PTPRT: variants seen among roughly 807,000 people sequenced by gnomAD.
PTPRT encodes the protein receptor-type tyrosine-protein phosphatase T.
In PTPRT, 56 loss-of-function variants were observed where a neutral mutation model predicts 176.8. That is an observed-to-expected ratio of 0.32 (90% CI 0.26 to 0.40). The LOEUF (loss-of-function observed/expected upper bound fraction) is 0.40. Ranked by LOEUF, PTPRT falls within the 10% of genes least tolerant of loss-of-function variation. The pLI is 1.00. For synonymous variants in PTPRT, 783 were observed against 739.0 expected, an observed-to-expected ratio of 1.06 and a Z score of -0.96; for missense variants, 1,540 against 1,908.2, an observed-to-expected ratio of 0.81 and a Z score of 3.60.
intron 9 of PTPRT, among the ~76,000 whole-genome samples, chr20:42,440,156 C>T (rs998598207): frequency 3.9e-5 from 6 of 152,154 alleles, no homozygotes; most frequent in Non-Finnish European, 5.9e-5. Flanking sequence ...TCACCCACCT[C>T]GGCCTCCCAC....
chr20:42,381,052 G>A (rs1167559810), intron 9 of PTPRT, among the ~76,000 whole-genome samples: 6 of 152,114 alleles, frequency 3.9e-5, no homozygotes, highest in East Asian at 3.9e-4. Context: ...CAGATCTCAC[G>A]AGAACTCACT....
chr20:42,065,899 C>T, the PTPRT span, among the ~76,000 whole-genome samples: 1 of 139,816 alleles, frequency 7.2e-6, no homozygotes. Context: ...CATATTTCAT[C>T]AGGAATTGAT....
chr20:42,465,598 A>G lies in PTPRT; in HGVS notation c.1450+6668T>C, dbSNP rs538472681. The stretch of plus-strand genomic sequence containing the variant: ...TGCTACCTTTTATATAAGAAGTAGG[A>G]AGAAGAAAAGTATTACATATTTTTT... On this transcript the variant is annotated intron_variant, in intron 8 of 30. Transcript: ENST00000373187. Among the ~76,000 whole-genome samples the G allele has an allele frequency of 1.8e-4, 28 of 152,342 alleles. No homozygotes were observed. In the South Asian group the frequency reaches 2.5e-3, roughly 14 times the overall value.
chr20:42,037,190 C>T, the PTPRT span, among the ~76,000 whole-genome samples: 16 of 152,314 alleles, frequency 1.1e-4, no homozygotes, highest in Middle Eastern at 3.4e-3. Flanking sequence ...AATTCCTCCC[C>T]GTACCCTAGC....
intron 2 of PTPRT, among the ~76,000 whole-genome samples, chr20:42,883,359 T>A (rs953343047): frequency 3.3e-5 from 5 of 151,754 alleles, no homozygotes; most frequent in Non-Finnish European, 7.4e-5. Context: ...GGAAGTAAAA[T>A]GGCAGAACAA....
At chr20:42,575,859 G>C (rs574175768) in intron 7 of PTPRT, among the ~76,000 whole-genome samples, 177 of 152,176 alleles carry the variant, frequency 1.2e-3, no homozygotes, top group Middle Eastern at 3.4e-3. Flanking sequence ...CTGTTGCCTA[G>C]ATGACCCCAG....
chr20:42,433,876 C>T (rs182698039), intron 9 of PTPRT, among the ~76,000 whole-genome samples: 1 of 152,292 alleles, frequency 6.6e-6, no homozygotes, highest in Admixed American at 6.5e-5. Flanking sequence ...ACTCTCCTAA[C>T]CAGCTGCTTA....
chr20:42,928,321 C>A (rs1979617536), intron 1 of PTPRT, among the ~76,000 whole-genome samples: 1 of 152,180 alleles, frequency 6.6e-6, no homozygotes, highest in Non-Finnish European at 1.5e-5. Flanking sequence ...CAGAGATGCC[C>A]AGAGAGGGGC....
chr20:43,007,584 A>T (rs1028005728), intron 1 of PTPRT, among the ~76,000 whole-genome samples: 3 of 152,228 alleles, frequency 2.0e-5, no homozygotes, highest in Admixed American at 2.0e-4. Flanking sequence ...TGAACCATGT[A>T]GGGGAATGTC....
chr20:42,599,915 C>T lies in PTPRT; in HGVS notation c.1153+77951G>A, dbSNP rs150071525. 3.4e-4 allele frequency among the ~76,000 whole-genome samples: 52 copies of T among 152,206 alleles called. 1 individual carries two copies. The East Asian group carries it at 8.5e-3, about 25-fold the overall frequency. On this transcript the variant is annotated intron_variant, in intron 7 of 30. Coordinates refer to ENST00000373187, the MANE Select transcript of PTPRT (RefSeq NM_007050.6). ...AAAATGGTCCCTACCACCGTGCCCA[C>T]TTATGCCCCAGGCCTCTCCATGGAG...
chr20:42,931,736 G>A (rs981172529), intron 1 of PTPRT, among the ~76,000 whole-genome samples: 15 of 152,264 alleles, frequency 9.9e-5, no homozygotes, highest in African/African-American at 3.1e-4. Context: ...CAGCGTAGGC[G>A]CTCAACAAGT....
At chr20:42,906,517 T>C (rs1296145395) in intron 1 of PTPRT, among the ~76,000 whole-genome samples, 1 of 152,214 alleles carries the variant, frequency 6.6e-6, no homozygotes, top group Non-Finnish European at 1.5e-5. Flanking sequence ...CCTCTGTCCT[T>C]GCAATAAGGC....
At position 42,669,570 on chromosome 20, in the gene PTPRT, G is replaced by A. The variant is rs368722569; in HGVS notation, c.1153+8296C>T. On this transcript the variant is annotated intron_variant, in intron 7 of 30. Transcript: ENST00000373187. ...TTACTTCTAATTCAGAACCCTAAGA[G>A]TTAGGCCAAGTTATGTTCCTCCCAT... 3.3e-5 allele frequency among the ~76,000 whole-genome samples: 5 copies of A among 152,268 alleles called. No homozygotes were observed. The East Asian group carries it at 9.7e-4, about 29-fold the overall frequency.
At chr20:42,046,238 C>G in the PTPRT span, among the ~76,000 whole-genome samples, 1 of 152,190 alleles carries the variant, frequency 6.6e-6, no homozygotes, top group Non-Finnish European at 1.5e-5. Flanking sequence ...TTCTTAATCG[C>G]TTTATTCAAG....
At chr20:42,217,859 C>T (rs775227219) in intron 15 of PTPRT, among the ~76,000 whole-genome samples, 4 of 152,216 alleles carry the variant, frequency 2.6e-5, no homozygotes, top group Non-Finnish European at 5.9e-5. Context: ...TAACATTTAG[C>T]AGATACTACC....
intron 7 of PTPRT, among the ~76,000 whole-genome samples, chr20:42,630,222 G>A (rs2074377602): frequency 6.6e-6 from 1 of 152,086 alleles, no homozygotes; most frequent in South Asian, 2.1e-4. Context: ...ACAGCTTCTA[G>A]GAGCTAGAAA....
chr20:42,416,813 T>C (rs1445575733), intron 9 of PTPRT, among the ~76,000 whole-genome samples: 1 of 152,170 alleles, frequency 6.6e-6, no homozygotes, highest in African/African-American at 2.4e-5. Flanking sequence ...ATAAGGTCTT[T>C]GACATAACGC....
chr20:42,145,981 C>T (rs1487925715), intron 17 of PTPRT, among the ~76,000 whole-genome samples: 1 of 152,154 alleles, frequency 6.6e-6, no homozygotes, highest in East Asian at 1.9e-4. Context: ...CTTTTCTCCT[C>T]TTGTTCTTTC....
chr20:42,464,264 C>T (rs984805746), intron 8 of PTPRT, among the ~76,000 whole-genome samples: 30 of 152,288 alleles, frequency 2.0e-4, no homozygotes, highest in Admixed American at 1.4e-3. Context: ...CATTCAACAA[C>T]GAGCCCATAC....
Sources: gnomAD v4.1 joint callset for allele counts (sites outside exome capture counted in the v4.1 genomes callset) on GRCh38, gnomAD v4.1.1 for gene constraint, MANE v1.5 for transcripts, NCBI Gene and HGNC (gene_info 2026-07-23, HGNC 2026-07-21) for gene names.